HECTD4: variants seen among roughly 807,000 people sequenced by gnomAD.
HECTD4 encodes the protein probable E3 ubiquitin-protein ligase HECTD4.
Under a neutral mutation model 471.5 loss-of-function variants are expected in HECTD4, and 114 were observed. The observed-to-expected ratio is 0.24, with a 90% CI of 0.21 to 0.28. The LOEUF (loss-of-function observed/expected upper bound fraction) is 0.28, where lower values mean the gene tolerates loss of function less well. Ranked by LOEUF, HECTD4 falls within the 10% of genes least tolerant of loss-of-function variation. HECTD4 has a pLI of 1.00. For synonymous variants in HECTD4, 2,012 were observed against 2,256.0 expected, an observed-to-expected ratio of 0.89 and a Z score of 3.07; for missense variants, 3,866 against 5,651.5, an observed-to-expected ratio of 0.68 and a Z score of 10.13.
Position 112,161,355 on chromosome 12 carries a change from C to G in HECTD4, c.*1032G>C, listed in dbSNP as rs371553368. 6.6e-6 allele frequency: 1 copy of G among 152,090 alleles called. No homozygotes were observed. The highest frequency in any genetic ancestry group is 1.9e-4 in the East Asian group (1 of 5,176). The allele number at this position is 152,090 out of a possible 1,614,324, so 9.4% of individuals were successfully genotyped here. ...GGGCTGGCCAGAGGGGCAGAAGGACCCCCCTGGAGTCTCCATCTGGACTTG... is the reference window on the plus strand; with the variant it reads ...GGGCTGGCCAGAGGGGCAGAAGGACGCCCCTGGAGTCTCCATCTGGACTTG... On this transcript the variant is annotated 3_prime_UTR_variant, in exon 76 of 76. Coordinates refer to ENST00000682272, the MANE Select transcript of HECTD4 (RefSeq NM_001388303.1).
chr12:112,283,200 T>G lies in HECTD4; in HGVS notation c.1438A>C (p.Arg480=), dbSNP rs1488321969. ...GGGGAGGCTCTATACCGAGAAAGTC[T>G]ACTTAGAAGCATCTCATTAATGCTT... is the stretch of plus-strand genomic sequence containing the variant. ...AKSINEMLLS[R]LSRYRASPSA... The change falls in exon 8 of 76, where the codon AGA becomes CGA. Residue 480 remains arginine, a synonymous_variant. Transcript: ENST00000682272. 2 of 1,613,790 alleles carry G rather than the reference T, an allele frequency of 1.2e-6. No individual in the cohort carries two copies. The highest frequency in any genetic ancestry group is 2.7e-5 in the African/African-American group (2 of 74,934).
intron 20 of HECTD4, chr12:112,256,844 T>C: frequency 5.8e-6 from 1 of 171,222 alleles, no homozygotes; most frequent in East Asian, 1.7e-4. Context: ...TGATCAATTC[T>C]CATTTAAAGG....
At chr12:112,308,521 T>G (rs1028859227) in intron 6 of HECTD4, among the ~76,000 whole-genome samples, 2 of 150,136 alleles carry the variant, frequency 1.3e-5, no homozygotes, top group Admixed American at 1.3e-4. Context: ...TTCTTAATTA[T>G]AAAAAAAAGT....
chr12:112,295,386 G>A (rs1489811298), intron 7 of HECTD4, among the ~76,000 whole-genome samples: 2 of 149,062 alleles, frequency 1.3e-5, no homozygotes, highest in Non-Finnish European at 3.0e-5. Flanking sequence ...TTTTTTAAGA[G>A]ACAGGGTCTT....
At chr12:112,229,192 T>C (rs2033313626) in intron 41 of HECTD4, among the ~76,000 whole-genome samples, 1 of 151,912 alleles carries the variant, frequency 6.6e-6, no homozygotes, top group Non-Finnish European at 1.5e-5. Context: ...CCAGGCAAGG[T>C]GGTGGGCACC....
At chr12:112,343,438 T>C (rs1340244878) in intron 1 of HECTD4, among the ~76,000 whole-genome samples, 2 of 152,116 alleles carry the variant, frequency 1.3e-5, no homozygotes, top group Non-Finnish European at 2.9e-5. Flanking sequence ...TTAAAAAACA[T>C]TTGAAGGTAC....
intron 45 of HECTD4, among the ~76,000 whole-genome samples, chr12:112,218,630 ATAT>A (rs1413454402): frequency 2.0e-5 from 3 of 152,148 alleles, no homozygotes; most frequent in African/African-American, 7.2e-5. Context: ...TGGCTATTGC[ATAT>A]TTTATTTATT....
intron 1 of HECTD4, among the ~76,000 whole-genome samples, chr12:112,357,015 G>C (rs145976572): frequency 1.0e-3 from 155 of 152,236 alleles, no homozygotes; most frequent in African/African-American, 3.5e-3. Flanking sequence ...GTTCTGTACG[G>C]AACATACTTT....
chr12:112,364,484 C>G (rs973814760), intron 1 of HECTD4, among the ~76,000 whole-genome samples: 1 of 151,914 alleles, frequency 6.6e-6, no homozygotes, highest in Admixed American at 6.6e-5. Context: ...AATGCCAGCA[C>G]CCTGGAAGGC....
chr12:112,197,170 C>T (rs2032271417), intron 55 of HECTD4, among the ~76,000 whole-genome samples: 1 of 152,136 alleles, frequency 6.6e-6, no homozygotes, highest in Non-Finnish European at 1.5e-5. Context: ...CCTTGGCCTC[C>T]CAAAGTGCTA....
At chr12:112,215,489 A>G (rs1018284455) in intron 48 of HECTD4, among the ~76,000 whole-genome samples, 5 of 152,188 alleles carry the variant, frequency 3.3e-5, no homozygotes, top group African/African-American at 9.6e-5. Context: ...TTCAACTACT[A>G]TACAGATCTA....
At chr12:112,248,682 G>A (rs2135586297) in intron 25 of HECTD4, among the ~76,000 whole-genome samples, 170 bp from the exon 26 acceptor site, 1 of 152,292 alleles carries the variant, frequency 6.6e-6, no homozygotes, top group South Asian at 2.1e-4. Flanking sequence ...CTGGGCTCAA[G>A]GGATCCTCCT....
Position 112,228,069 on chromosome 12 carries a change from A to C in HECTD4, c.6854+20T>G, listed in dbSNP as rs772841834. On this transcript the variant is annotated intron_variant, in intron 43 of 75. Coordinates refer to ENST00000682272, the MANE Select transcript of HECTD4 (RefSeq NM_001388303.1). This position sits in a 1 kb window ranked among gnomAD's most constrained non-coding sequence, Gnocchi z 4.9. The stretch of plus-strand genomic sequence containing the variant: ...CTTGCACCATGTCAGCACATAAGGC[A>C]ATGTGGGGAGGGTACTCACCTTGTC... The C allele has an allele frequency of 1.1e-5, 17 of 1,589,246 alleles. No homozygotes were observed. In the East Asian group the frequency reaches 3.9e-4, roughly 36 times the overall value.
chr12:112,275,518 T>A (rs1342586568), intron 9 of HECTD4, among the ~76,000 whole-genome samples: 2 of 152,134 alleles, frequency 1.3e-5, no homozygotes, highest in African/African-American at 2.4e-5. Flanking sequence ...TCATTGAACA[T>A]TTCAGTTTCC....
chr12:112,244,411 C>A (rs1022311865), intron 29 of HECTD4, among the ~76,000 whole-genome samples: 3 of 152,078 alleles, frequency 2.0e-5, no homozygotes, highest in Non-Finnish European at 2.9e-5. Context: ...CTCTGTCACC[C>A]AGGATGCAGT....
intron 1 of HECTD4, among the ~76,000 whole-genome samples, chr12:112,368,120 A>T (rs1431633268): frequency 5.3e-5 from 8 of 152,204 alleles, no homozygotes; most frequent in Admixed American, 5.2e-4. Flanking sequence ...TATGCATCTT[A>T]TTGTTAATCT....
In HECTD4 at chr12:112,266,992, CA is replaced by C. The variant is rs759868862; in HGVS notation, c.2322-11del. The stretch of plus-strand genomic sequence containing the variant: ...GATATTTAAACCAGAGCTGAAATGA[CA>C]AAAAAGTCAAAAACATTTAAGCAAA... On this transcript the variant is annotated splice_polypyrimidine_tract_variant and intron_variant, in intron 13 of 75. Transcript: ENST00000682272. 1.4e-4 allele frequency: 197 copies of C among 1,413,170 alleles called. No individual in the cohort carries two copies. Among genetic ancestry groups the C allele is most frequent in the Non-Finnish European group, 1.8e-4 (188 of 1,031,992 alleles). 87.5% of individuals were successfully genotyped at this position (1,413,170 alleles called of 1,614,324 possible).
In HECTD4 at chr12:112,243,411, C is replaced by T. The variant is rs1164651753; in HGVS notation, c.4900G>A (p.Val1634Ile). 6.2e-7 allele frequency: 1 copy of T among 1,612,652 alleles called. No individual in the cohort carries two copies. The highest frequency in any genetic ancestry group is 2.2e-5 in the East Asian group (1 of 44,840). ...MRELLTAAVR[V>I]GGVTHLVGPV... ...CCCACAAGATGCGTCACTCCCCCGA[C>T]TCGTACGGCAGCTGTCAGCAATTCC... The change falls in exon 32 of 76, where the codon GTC becomes ATC. Residue 1634 changes from valine to isoleucine, a missense_variant. Physicochemically the swap from Val to Ile is conservative, Grantham distance 29. This residue lies in a region of HECTD4 where 229 missense variants were observed against 386.4 expected (regional missense o/e 0.59). Transcript: ENST00000682272. The surrounding 1 kb of genome is among the most constrained non-coding windows in gnomAD (Gnocchi z 6.6).
chr12:112,175,088 G>A (rs936776890), intron 66 of HECTD4, among the ~76,000 whole-genome samples: 15 of 152,342 alleles, frequency 9.8e-5, no homozygotes, highest in African/African-American at 3.4e-4. Flanking sequence ...ATGTGGACTC[G>A]AGGCAAAGTG....
Sources: allele counts gnomAD v4.1 joint callset (sites outside exome capture counted in the v4.1 genomes callset), GRCh38; gene constraint gnomAD v4.1.1; regional missense constraint gnomAD v4.1.1; non-coding constraint Gnocchi (gnomAD v3.1); transcripts MANE v1.5; gene names NCBI Gene and HGNC (gene_info 2026-07-23, HGNC 2026-07-21).